The following ADAMTS16 variants were observed in gnomAD, a reference collection of about 807,000 sequenced individuals.
ADAMTS16 encodes ADAM metallopeptidase with thrombospondin type 1 motif 16, also known as A disintegrin and metalloproteinase with thrombospondin motifs 16.
Under a neutral mutation model 145.8 loss-of-function variants are expected in ADAMTS16, and 94 were observed. That is an observed-to-expected ratio of 0.64 (90% CI 0.55 to 0.77). The LOEUF (loss-of-function observed/expected upper bound fraction) is 0.77. Among genes scored for constraint, ADAMTS16 ranks in the 30% least tolerant of loss-of-function variants. The pLI, the probability that ADAMTS16 is intolerant of heterozygous loss-of-function variation, is 0.00. For missense variants in ADAMTS16, 1,585 were observed against 1,591.5 expected (o/e 1.00, Z 0.07); for synonymous variants, 659 against 604.3 (o/e 1.09, Z -1.33).
At chr5:5,270,100 G>A (rs1248902479) in intron 18 of ADAMTS16, among the ~76,000 whole-genome samples, 2 of 152,298 alleles carry the variant, frequency 1.3e-5, no homozygotes, top group East Asian at 3.9e-4. Context: ...AAGCCTCTCT[G>A]TGAACCCAAT....
At chr5:5,147,204 C>T (rs1473748043) in intron 3 of ADAMTS16, among the ~76,000 whole-genome samples, 5 of 152,110 alleles carry the variant, frequency 3.3e-5, no homozygotes, top group African/African-American at 9.7e-5. Context: ...TTTGGAGATT[C>T]TTAGATTCTT....
chr5:5,230,641 C>A (rs964274175), intron 11 of ADAMTS16, among the ~76,000 whole-genome samples: 34 of 152,130 alleles, frequency 2.2e-4, no homozygotes, highest in Non-Finnish European at 4.1e-4. Context: ...TTAAATCTTT[C>A]ATTAAAAAAT....
intron 3 of ADAMTS16, chr5:5,175,996 T>G (rs1359760370): frequency 6.6e-6 from 1 of 152,284 alleles, no homozygotes; most frequent in Non-Finnish European, 1.5e-5. Context: ...GTTGCTTACC[T>G]GAATTGTGGT....
chr5:5,140,404 G>T lies in ADAMTS16; in HGVS notation c.-64G>T, dbSNP rs1457095572. 4 of 1,465,020 alleles carry T rather than the reference G, an allele frequency of 2.7e-6. No homozygotes were observed. The Admixed American group carries it at 9.3e-5, about 34-fold the overall frequency. 90.8% of individuals were successfully genotyped at this position (1,465,020 alleles called of 1,614,324 possible). A position where few individuals can be genotyped will look rare whatever the true frequency, so the allele number is the denominator to read the frequency against. ...GCTCTGCCTGGGTCGGGTCCTCCCTGCCCGCTCGCACGCTGCCGGCCGGGG... is the reference window on the plus strand; with the variant it reads ...GCTCTGCCTGGGTCGGGTCCTCCCTTCCCGCTCGCACGCTGCCGGCCGGGG... On this transcript the variant is annotated 5_prime_UTR_variant, in exon 1 of 23. Transcript: ENST00000274181.
chr5:5,264,894 G>A (rs1037493130), intron 18 of ADAMTS16, among the ~76,000 whole-genome samples: 6 of 152,200 alleles, frequency 3.9e-5, no homozygotes, highest in Non-Finnish European at 5.9e-5. Context: ...GGACACACAC[G>A]ACGATGCTCC....
intron 11 of ADAMTS16, chr5:5,223,791 A>G (rs753868574): frequency 9.2e-5 from 14 of 152,228 alleles, no homozygotes; most frequent in Non-Finnish European, 1.6e-4. Flanking sequence ...TTTTAAATAT[A>G]AAAGACTATT....
chr5:5,184,953 C>G (rs1375428451), intron 4 of ADAMTS16, among the ~76,000 whole-genome samples: 1 of 152,158 alleles, frequency 6.6e-6, no homozygotes, highest in African/African-American at 2.4e-5. Context: ...ATTTCCGACA[C>G]TTTCGAAGGA....
At chr5:5,208,913 C>T (rs1255810222) in intron 9 of ADAMTS16, among the ~76,000 whole-genome samples, 180 bp from the exon 10 acceptor site, 1 of 152,110 alleles carries the variant, frequency 6.6e-6, no homozygotes, top group African/African-American at 2.4e-5. Flanking sequence ...AAAATGGAGT[C>T]TCTGTATTTA....
At chr5:5,190,662 T>C (rs752266977) in intron 7 of ADAMTS16, among the ~76,000 whole-genome samples, 17 of 152,166 alleles carry the variant, frequency 1.1e-4, no homozygotes, top group Non-Finnish European at 2.1e-4. Context: ...CCGCTGAACA[T>C]GTCTTCTAAC....
chr5:5,313,574 G>A (rs543892880), intron 21 of ADAMTS16, among the ~76,000 whole-genome samples: 6 of 152,192 alleles, frequency 3.9e-5, no homozygotes, highest in Admixed American at 2.0e-4. Flanking sequence ...TGGGCAGTGT[G>A]GGGGGTGGGG....
chr5:5,152,870 T>C (rs1370585422), intron 3 of ADAMTS16, among the ~76,000 whole-genome samples: 1 of 152,212 alleles, frequency 6.6e-6, no homozygotes, highest in African/African-American at 2.4e-5. Context: ...TTCACTGGGG[T>C]GAAATCCCAC....
intron 17 of ADAMTS16, among the ~76,000 whole-genome samples, chr5:5,261,365 T>C (rs1314006637): frequency 6.6e-6 from 1 of 152,180 alleles, no homozygotes; most frequent in Non-Finnish European, 1.5e-5. Flanking sequence ...CTCAAACTCC[T>C]GGACTCAAGC....
rs58353460 is a variant in ADAMTS16 at position 5,319,821 on chromosome 5, A to G, written c.*683A>G. 11,564 of 453,192 alleles carry G rather than the reference A, an allele frequency of 0.026. 541 individuals are homozygous for G. Among genetic ancestry groups the G allele is most frequent in the African/African-American group, 0.13 (6,477 of 49,714 alleles). 28.1% of individuals were successfully genotyped at this position (453,192 alleles called of 1,614,324 possible). A position where few individuals can be genotyped will look rare whatever the true frequency, so the allele number is the denominator to read the frequency against. The stretch of plus-strand genomic sequence containing the variant: ...ATGAAATTCCTGCTAAGGTGCTTCT[A>G]TCTCTTTCAGATTCATGCATTGAAG... On this transcript the variant is annotated 3_prime_UTR_variant, in exon 23 of 23. Transcript: ENST00000274181.
In ADAMTS16 at chr5:5,317,295, G is replaced by T. The variant is rs1215445209; in HGVS notation, c.3412-839G>T. Among the ~76,000 whole-genome samples, 1 of 152,184 alleles carries T rather than the reference G, an allele frequency of 6.6e-6. No homozygotes were observed. The highest frequency in any genetic ancestry group is 1.5e-5 in the Non-Finnish European group (1 of 68,040). ...TTGTAGGTAACTTTATTGGCAGGGGGATCTAAGTTTGTTCTTCCTTGCTGC... is the reference window on the plus strand; with the variant it reads ...TTGTAGGTAACTTTATTGGCAGGGGTATCTAAGTTTGTTCTTCCTTGCTGC... On this transcript the variant is annotated intron_variant, in intron 21 of 22. Transcript: ENST00000274181. The surrounding 1 kb of genome is among the most constrained non-coding windows in gnomAD (Gnocchi z 4.5).
chr5:5,230,110 A>T (rs530673027), intron 11 of ADAMTS16, among the ~76,000 whole-genome samples: 5 of 152,340 alleles, frequency 3.3e-5, no homozygotes, highest in African/African-American at 1.2e-4. Flanking sequence ...TAGCAGATCT[A>T]GAGAACCCAG....
chr5:5,140,599 T>A (rs1224795458), intron 1 of ADAMTS16, 60 bp downstream of exon 1: 5 of 1,516,454 alleles, frequency 3.3e-6, no homozygotes, highest in Middle Eastern at 2.3e-4. Context: ...TGGAGGCGAG[T>A]CCCCCGCGGC....
At chr5:5,205,286 G>A (rs1736067995) in intron 9 of ADAMTS16, among the ~76,000 whole-genome samples, 1 of 149,654 alleles carries the variant, frequency 6.7e-6, no homozygotes, top group East Asian at 2.0e-4. Flanking sequence ...TGTCTTTAGG[G>A]TTGGTGCTTT....
intron 18 of ADAMTS16, among the ~76,000 whole-genome samples, chr5:5,267,838 C>T (rs1232618622): frequency 6.6e-6 from 1 of 152,224 alleles, no homozygotes; most frequent in Non-Finnish European, 1.5e-5. Context: ...GGACCGCCCC[C>T]TTCTCCTCCC....
chr5:5,244,829 A>G (rs1319587283), intron 17 of ADAMTS16, among the ~76,000 whole-genome samples: 1 of 152,192 alleles, frequency 6.6e-6, no homozygotes, highest in Non-Finnish European at 1.5e-5. Flanking sequence ...TGAGGAGACG[A>G]CCTTACACGT....
Sources: allele counts gnomAD v4.1 joint callset (sites outside exome capture counted in the v4.1 genomes callset), GRCh38; gene constraint gnomAD v4.1.1; non-coding constraint Gnocchi (gnomAD v3.1); transcripts MANE v1.5; gene names NCBI Gene and HGNC (gene_info 2026-07-23, HGNC 2026-07-21).